The following FBN2 variants were observed in gnomAD, a reference collection of about 807,000 sequenced individuals.
FBN2 encodes fibrillin-2.
Under a neutral mutation model 355.6 loss-of-function variants are expected in FBN2, and 105 were observed. That is an observed-to-expected ratio of 0.30 (90% CI 0.25 to 0.35). The LOEUF is 0.35. FBN2 is among the 10% of genes least tolerant of loss of function. The pLI, the probability that FBN2 is intolerant of heterozygous loss-of-function variation, is 1.00. For missense variants in FBN2, 3,280 were observed against 3,758.7 expected (o/e 0.87, Z 3.33); for synonymous variants, 1,350 against 1,301.2 (o/e 1.04, Z -0.81).
intron 62 of FBN2, among the ~76,000 whole-genome samples, chr5:128,267,989 A>G (rs1765160339): frequency 6.6e-6 from 1 of 152,246 alleles, no homozygotes; most frequent in Non-Finnish European, 1.5e-5. Flanking sequence ...AGCAAGAGCA[A>G]GCTAATTCAA....
At chr5:128,374,844 T>C in intron 14 of FBN2, 94 bp from the exon 15 acceptor site, 1 of 1,321,734 alleles carries the variant, frequency 7.6e-7, no homozygotes, top group Non-Finnish European at 1.1e-6. Flanking sequence ...CTACTAACCT[T>C]TTGTTTATAA....
In FBN2 at chr5:128,537,573, G is replaced by A; in HGVS notation, c.31C>T (p.Leu11Phe). 2 of 1,606,460 alleles carry A rather than the reference G, an allele frequency of 1.2e-6. No individual in the cohort carries two copies. The highest frequency in any genetic ancestry group is 1.7e-6 in the Non-Finnish European group (2 of 1,177,828). The change falls in exon 1 of 65, where the codon CTC becomes TTC. Residue 11 changes from leucine (L) to phenylalanine (F), a missense_variant. Around this residue, in one of 6 missense-constraint regions of FBN2, gnomAD observed 203 missense variants for 142.2 expected, o/e 1.43. Transcript: ENST00000262464. MGRRRRLCLQ[L>F]YFLWLGCVVL... ...ACACAGCCCAGCCACAGGAAGTAGAGCTGGAGACACAGCCTCCGTCTTCTC... is the reference window on the plus strand; with the variant it reads ...ACACAGCCCAGCCACAGGAAGTAGAACTGGAGACACAGCCTCCGTCTTCTC...
chr5:128,274,187 T>C (rs994143722), intron 60 of FBN2, among the ~76,000 whole-genome samples: 6 of 152,222 alleles, frequency 3.9e-5, no homozygotes, highest in African/African-American at 7.2e-5. Flanking sequence ...TTTGGAGTGA[T>C]TGAAGGCACA....
At chr5:128,379,134 A>G (rs1425084818) in intron 11 of FBN2, among the ~76,000 whole-genome samples, 1 of 152,142 alleles carries the variant, frequency 6.6e-6, no homozygotes, top group African/African-American at 2.4e-5. Flanking sequence ...AGAATTAAAG[A>G]TTTTTCAGTT....
At chr5:128,281,696 A>G (rs1233531024) in intron 55 of FBN2, among the ~76,000 whole-genome samples, 2 of 151,956 alleles carry the variant, frequency 1.3e-5, no homozygotes, top group Admixed American at 1.3e-4. Context: ...TTATTTATTT[A>G]TTTATTTGAG....
chr5:128,363,234 C>T (rs538280865), intron 18 of FBN2, among the ~76,000 whole-genome samples: 4 of 152,016 alleles, frequency 2.6e-5, no homozygotes, highest in African/African-American at 4.8e-5. Context: ...TCTGTCACCA[C>T]GGCTGGAGTG....
At chr5:128,339,419 A>T (rs1750937659) in intron 25 of FBN2, among the ~76,000 whole-genome samples, 1 of 152,084 alleles carries the variant, frequency 6.6e-6, no homozygotes, top group African/African-American at 2.4e-5. Context: ...GTTTGCAACC[A>T]GCCTGGGCAA....
intron 37 of FBN2, 39 bp from the exon 38 acceptor site, chr5:128,311,992 G>A (rs1750070649): frequency 1.4e-6 from 2 of 1,394,424 alleles, no homozygotes; most frequent in Non-Finnish European, 2.0e-6. Flanking sequence ...TGATACCTGT[G>A]TCCAAGTGGC....
In FBN2 at chr5:128,289,190, C is replaced by T. The variant is rs753028396; in HGVS notation, c.6574G>A (p.Gly2192Arg). 9.9e-6 allele frequency: 16 copies of T among 1,613,558 alleles called. No individual in the cohort carries two copies. The highest frequency in any genetic ancestry group is 5.0e-5 in the Admixed American group (3 of 59,998). ...CSNGQCINTD[G>R]SFRCECPMGY... The stretch of plus-strand genomic sequence containing the variant: ...ATTGGACATTCACAGCGAAAAGATC[C>T]GTCGGTGTTGATACATTGACCATTT... Residue 2192 changes from glycine (G) to arginine (R), a missense_variant, in exon 52 of 65, where the codon GGA becomes AGA. Physicochemically the swap from Gly to Arg is moderately radical, Grantham distance 125. Coordinates refer to ENST00000262464, the MANE Select transcript of FBN2 (RefSeq NM_001999.4).
chr5:128,310,297 C>A (rs1010742576), intron 39 of FBN2, among the ~76,000 whole-genome samples, 189 bp from the exon 40 acceptor site: 1 of 146,466 alleles, frequency 6.8e-6, no homozygotes, highest in Non-Finnish European at 1.5e-5. Flanking sequence ...GAAAAAAATC[C>A]CCATATTAAA....
chr5:128,445,239 T>C (rs1581302758), intron 7 of FBN2, among the ~76,000 whole-genome samples: 1 of 152,192 alleles, frequency 6.6e-6, no homozygotes, highest in East Asian at 1.9e-4. Context: ...ATCAACTATG[T>C]TTTTTTAAAC....
Position 128,513,556 on chromosome 5 carries a change from G to A in FBN2, c.628+5717C>T, listed in dbSNP as rs1756190692. Reference sequence around the variant, plus strand: ...AATAAATGAGATACACACTGCTTTTGTTCAAAAGAGAATAAAATATCAGGA... The same window carrying A: ...AATAAATGAGATACACACTGCTTTTATTCAAAAGAGAATAAAATATCAGGA... On this transcript the variant is annotated intron_variant, in intron 5 of 64. Coordinates refer to ENST00000262464, the MANE Select transcript of FBN2 (RefSeq NM_001999.4). 3.3e-5 allele frequency among the ~76,000 whole-genome samples: 5 copies of A among 152,170 alleles called. No homozygotes were observed. In the South Asian group the frequency reaches 1.0e-3, roughly 32 times the overall value.
At chr5:128,293,503 G>T (rs1007522630) in intron 48 of FBN2, among the ~76,000 whole-genome samples, 3 of 151,760 alleles carry the variant, frequency 2.0e-5, no homozygotes, top group Non-Finnish European at 4.4e-5. Flanking sequence ...AAAAAAAAAA[G>T]TAATAAATTA....
intron 5 of FBN2, among the ~76,000 whole-genome samples, chr5:128,499,397 C>T (rs1755743133): frequency 6.6e-6 from 1 of 152,142 alleles, no homozygotes; most frequent in Non-Finnish European, 1.5e-5. Context: ...GTTTCACAAA[C>T]TTCACCTTAT....
Position 128,366,388 on chromosome 5 carries a change from A to G in FBN2, c.2291T>C (p.Val764Ala). Residue 764 changes from valine to alanine, a missense_variant, in exon 17 of 65, where the codon GTG (valine) becomes GCG (alanine). Coordinates refer to ENST00000262464, the MANE Select transcript of FBN2 (RefSeq NM_001999.4). Reference sequence around the variant, plus strand: ...TTAACTAGAGTTACCTCTTCCATCCACAGTGATACCTACTCCACTACTACA... The same window carrying G: ...TTAACTAGAGTTACCTCTTCCATCCGCAGTGATACCTACTCCACTACTACA... ...GLCSSGVGIT[V>A]DGRDINECAL... 6.3e-7 allele frequency: 1 copy of G among 1,595,790 alleles called. No homozygotes were observed. The highest frequency in any genetic ancestry group is 8.6e-7 in the Non-Finnish European group (1 of 1,164,962).
intron 5 of FBN2, among the ~76,000 whole-genome samples, chr5:128,475,795 G>A (rs1754993873): frequency 6.6e-6 from 1 of 152,130 alleles, no homozygotes; most frequent in Non-Finnish European, 1.5e-5. Context: ...GCTAGCATTC[G>A]TTTTCTCCTG....
chr5:128,516,704 T>C (rs1346227053), intron 5 of FBN2, among the ~76,000 whole-genome samples: 1 of 152,120 alleles, frequency 6.6e-6, no homozygotes, highest in Non-Finnish European at 1.5e-5. Flanking sequence ...TATTTTGAAA[T>C]TCAGTAATTT....
chr5:128,323,723 G>A (rs1750459007), intron 34 of FBN2, among the ~76,000 whole-genome samples: 1 of 152,182 alleles, frequency 6.6e-6, no homozygotes, highest in African/African-American at 2.4e-5. Flanking sequence ...TTGCATCAAT[G>A]TTCATCGGGG....
chr5:128,307,672 CTTT>C (rs1175257857), intron 41 of FBN2, among the ~76,000 whole-genome samples: 3 of 141,272 alleles, frequency 2.1e-5, no homozygotes, highest in South Asian at 2.3e-4. Flanking sequence ...CGAATTTTGT[CTTT>C]TTTTTTTTTA....
Sources: gnomAD v4.1 joint callset for allele counts (sites outside exome capture counted in the v4.1 genomes callset) on GRCh38, gnomAD v4.1.1 for gene constraint, gnomAD v4.1.1 regional missense constraint, MANE v1.5 for transcripts, NCBI Gene and HGNC (gene_info 2026-07-23, HGNC 2026-07-21) for gene names.